Variants in GPR39 observed in about 807,000 individuals in gnomAD.
GPR39 encodes zinc sensing receptor.
Under a neutral mutation model 18.4 loss-of-function variants are expected in GPR39, and 23 were observed. The ratio of observed to expected loss-of-function variants is 1.25; its 90% CI spans 0.90 to 1.77. The LOEUF (loss-of-function observed/expected upper bound fraction) is 1.77, where lower values mean the gene tolerates loss of function less well. GPR39 is among the 40% of genes most tolerant of loss of function. The pLI is 0.00. For missense variants in GPR39, 647 were observed against 602.4 expected (o/e 1.07, Z -0.78); for synonymous variants, 280 against 257.9 (o/e 1.09, Z -0.82).
chr2:132,610,028 TACCTG>T (rs1286880918), intron 1 of GPR39, among the ~76,000 whole-genome samples: 28 of 152,152 alleles, frequency 1.8e-4, no homozygotes, highest in African/African-American at 5.8e-4. Flanking sequence ...AGACATTCCT[TACCTG>T]GAAAGTCTTT....
At chr2:132,574,688 T>G (rs1680500453) in intron 1 of GPR39, among the ~76,000 whole-genome samples, 1 of 152,206 alleles carries the variant, frequency 6.6e-6, no homozygotes. Flanking sequence ...CGAGCCAAGA[T>G]CTTGCCACTG....
intron 1 of GPR39, among the ~76,000 whole-genome samples, chr2:132,461,384 A>G (rs1309660409): frequency 6.6e-6 from 1 of 152,216 alleles, no homozygotes; most frequent in Non-Finnish European, 1.5e-5. Context: ...TGTATACAGT[A>G]GTTACAACAT....
At chr2:132,430,636 C>T (rs372493950) in intron 1 of GPR39, among the ~76,000 whole-genome samples, 1 of 152,232 alleles carries the variant, frequency 6.6e-6, no homozygotes, top group African/African-American at 2.4e-5. Context: ...GCCACTCCAT[C>T]CAGGGATGAG....
At chr2:132,638,392 T>A (rs1444326925) in intron 1 of GPR39, among the ~76,000 whole-genome samples, 2 of 152,218 alleles carry the variant, frequency 1.3e-5, no homozygotes, top group Non-Finnish European at 1.5e-5. Flanking sequence ...CTCCAACTTG[T>A]GTGAGCAGCA....
intron 1 of GPR39, among the ~76,000 whole-genome samples, chr2:132,424,584 A>G (rs571890378): frequency 6.6e-6 from 1 of 152,174 alleles, no homozygotes; most frequent in South Asian, 2.1e-4. Flanking sequence ...CCTTTAATGT[A>G]TCATGAGCCC....
At chr2:132,476,022 G>A (rs13427387) in intron 1 of GPR39, among the ~76,000 whole-genome samples, 2 of 152,082 alleles carry the variant, frequency 1.3e-5, no homozygotes, top group East Asian at 3.9e-4. Flanking sequence ...CCACTTAGCA[G>A]CAGCAGAGGG....
At chr2:132,645,031 A>T in intron 1 of GPR39, 70 bp from the exon 2 acceptor site, 2 of 1,508,642 alleles carry the variant, frequency 1.3e-6, no homozygotes, top group Non-Finnish European at 1.8e-6. Context: ...TTATGGTTTT[A>T]TTCATTTACT....
At chr2:132,634,352 TTA>T (rs1681711479) in intron 1 of GPR39, among the ~76,000 whole-genome samples, 1 of 152,084 alleles carries the variant, frequency 6.6e-6, no homozygotes, top group Non-Finnish European at 1.5e-5. Flanking sequence ...AGCCTGAACT[TTA>T]GAGAGTAAGG....
At position 132,416,952 on chromosome 2, in the gene GPR39, G is replaced by A. The variant is rs1056177136; in HGVS notation, c.-91G>A. On this transcript the variant is annotated 5_prime_UTR_variant, in exon 1 of 2. It adds an upstream start codon to the 5' untranslated region. Transcript: ENST00000329321. ...GAGATAAAATCGTGCGCCCACGCAGGTGAGTTTGCAGCCAAGAATTTTGGA... is the reference window on the plus strand; with the variant it reads ...GAGATAAAATCGTGCGCCCACGCAGATGAGTTTGCAGCCAAGAATTTTGGA... 6.1e-6 allele frequency: 9 copies of A among 1,479,260 alleles called. No individual in the cohort carries two copies. In the African/African-American group the frequency reaches 1.1e-4, roughly 18 times the overall value. The allele number at this position is 1,479,260 out of a possible 1,614,324, so 91.6% of individuals were successfully genotyped here.
chr2:132,505,842 G>A (rs1573636484), intron 1 of GPR39, among the ~76,000 whole-genome samples: 1 of 152,180 alleles, frequency 6.6e-6, no homozygotes, highest in African/African-American at 2.4e-5. Context: ...TGGCTATCGC[G>A]AATTGCGCTG....
At chr2:132,438,603 T>G (rs1176115779) in intron 1 of GPR39, among the ~76,000 whole-genome samples, 1 of 150,466 alleles carries the variant, frequency 6.6e-6, no homozygotes, top group Non-Finnish European at 1.5e-5. Context: ...TTTTTTACAT[T>G]TTTTTGAGTG....
At chr2:132,483,621 T>G (rs1681276540) in intron 1 of GPR39, among the ~76,000 whole-genome samples, 1 of 152,240 alleles carries the variant, frequency 6.6e-6, no homozygotes, top group Admixed American at 6.5e-5. Flanking sequence ...CTCAAAAGAA[T>G]ATCTAACCTT....
At chr2:132,632,794 G>A (rs1227268692) in intron 1 of GPR39, among the ~76,000 whole-genome samples, 1 of 152,162 alleles carries the variant, frequency 6.6e-6, no homozygotes, top group Non-Finnish European at 1.5e-5. Context: ...AATTTTAGCT[G>A]AGTATTACCT....
At chr2:132,458,978 A>G (rs1319360078) in intron 1 of GPR39, among the ~76,000 whole-genome samples, 1 of 152,176 alleles carries the variant, frequency 6.6e-6, no homozygotes, top group Non-Finnish European at 1.5e-5. Flanking sequence ...AGCTGGTTCC[A>G]AAGAGACATT....
intron 1 of GPR39, among the ~76,000 whole-genome samples, chr2:132,579,853 A>G (rs1297242677): frequency 6.6e-6 from 1 of 152,066 alleles, no homozygotes; most frequent in Admixed American, 6.5e-5. Context: ...TTATTCTTAG[A>G]TGTTTACCTC....
intron 1 of GPR39, among the ~76,000 whole-genome samples, chr2:132,460,049 A>G (rs1045494496): frequency 2.6e-5 from 4 of 152,204 alleles, no homozygotes; most frequent in African/African-American, 9.6e-5. Context: ...CTTCCTAAGT[A>G]GAAGCATTTT....
chr2:132,474,007 G>A, intron 1 of GPR39, among the ~76,000 whole-genome samples: 1 of 152,188 alleles, frequency 6.6e-6, no homozygotes, highest in South Asian at 2.1e-4. Context: ...ATAATCCAGT[G>A]TGGGTCAGTG....
chr2:132,448,101 G>A lies in GPR39; in HGVS notation c.856+30203G>A, dbSNP rs1039222580. Among the ~76,000 whole-genome samples the A allele has an allele frequency of 5.9e-5, 9 of 152,280 alleles. No individual in the cohort carries two copies. The East Asian group carries it at 1.5e-3, about 26-fold the overall frequency. On this transcript the variant is annotated intron_variant, in intron 1 of 1. Transcript: ENST00000329321. ...AAATAGCAAGGTAAGGATTTTTGAGGCAGAAGACTTAAAGAATTTTAGGGA... is the reference window on the plus strand; with the variant it reads ...AAATAGCAAGGTAAGGATTTTTGAGACAGAAGACTTAAAGAATTTTAGGGA...
chr2:132,469,842 C>T (rs967889661), intron 1 of GPR39, among the ~76,000 whole-genome samples: 1 of 152,178 alleles, frequency 6.6e-6, no homozygotes, highest in African/African-American at 2.4e-5. Context: ...CTTTCCCGTT[C>T]TCATCTCCCT....
Sources: gnomAD v4.1 joint callset for allele counts (sites outside exome capture counted in the v4.1 genomes callset) on GRCh38, gnomAD v4.1.1 for gene constraint, MANE v1.5 for transcripts, NCBI Gene and HGNC (gene_info 2026-07-23, HGNC 2026-07-21) for gene names.